The following CCDC154 variants were observed in gnomAD, a reference collection of about 807,000 sequenced individuals.
The protein encoded by CCDC154 is coiled-coil domain-containing protein 154.
In CCDC154, 91 loss-of-function variants were observed where a neutral mutation model predicts 87.5. That is an observed-to-expected ratio of 1.04 (90% CI 0.88 to 1.24). The LOEUF is 1.24. Among genes scored for constraint, CCDC154 ranks in the 50% most tolerant of loss-of-function variants. The pLI is 0.00. For missense variants in CCDC154, 903 were observed against 879.2 expected (o/e 1.03, Z -0.34); for synonymous variants, 418 against 400.4 (o/e 1.04, Z -0.52).
chr16:1,443,990 T>C lies in CCDC154; in HGVS notation c.30A>G (p.Ser10=), dbSNP rs2038585711. ...TCAGCTGGGAAGGGGCCGATGCCCCTGAGGGTCCACTGTCAGCCAACTCTA... is the reference window on the plus strand; with the variant it reads ...TCAGCTGGGAAGGGGCCGATGCCCCCGAGGGTCCACTGTCAGCCAACTCTA... The part of the protein sequence containing the change: MSELADSGP[S]GASAPSQLRA... Residue 10 remains serine, a synonymous_variant, in exon 2 of 17, where the codon TCA becomes TCG. Transcript: ENST00000389176. 1 of 1,301,080 alleles carries C rather than the reference T, an allele frequency of 7.7e-7. No individual in the cohort carries two copies. The highest frequency in any genetic ancestry group is 1.5e-5 in the African/African-American group (1 of 65,872). 80.6% of individuals were successfully genotyped at this position (1,301,080 alleles called of 1,614,324 possible). A position where few individuals can be genotyped will look rare whatever the true frequency, so the allele number is the denominator to read the frequency against.
Position 1,442,412 on chromosome 16 carries a change from T to C in CCDC154, c.669A>G (p.Arg223=), listed in dbSNP as rs71380262. 0.089 allele frequency: 138,481 copies of C among 1,547,800 alleles called. 6,875 individuals are homozygous for C. Among genetic ancestry groups the C allele is most frequent in the Non-Finnish European group, 0.1 (115,078 of 1,145,666 alleles). ...SSRRVDLEVA[R]MQAQVTKLGE... is the part of the protein sequence containing the mutation. ...AGCCTGGGCCTGGTGGTACCTGCAT[T>C]CTGGCCACCTCCAGGTCCACCCTCC... The change falls in exon 6 of 17, where the codon AGA becomes AGG. Residue 223 remains arginine (R), a synonymous_variant. Coordinates refer to ENST00000389176, the MANE Select transcript of CCDC154 (RefSeq NM_001143980.3).
Position 1,444,526 on chromosome 16 carries a change from G to A in CCDC154, c.-204C>T. ...AGGGAGGCAGGTGTGGGGCAGCGGG[G>A]CCGTTCCAGAACCTTCCTTCTCTCC... is the stretch of plus-strand genomic sequence containing the variant. On this transcript the variant is annotated 5_prime_UTR_variant, in exon 1 of 17. Coordinates refer to ENST00000389176, the MANE Select transcript of CCDC154 (RefSeq NM_001143980.3). The A allele has an allele frequency of 2.6e-6, 1 of 383,780 alleles. No individual in the cohort carries two copies. Among genetic ancestry groups the A allele is most frequent in the Non-Finnish European group, 4.8e-6 (1 of 209,494 alleles). 23.8% of individuals were successfully genotyped at this position (383,780 alleles called of 1,614,324 possible).
At position 1,439,101 on chromosome 16, in the gene CCDC154, T is replaced by A. The variant is rs2038528651; in HGVS notation, c.701A>T (p.Glu234Val). 4 of 1,550,028 alleles carry A rather than the reference T, an allele frequency of 2.6e-6. No homozygotes were observed. Among genetic ancestry groups the A allele is most frequent in the Middle Eastern group, 1.7e-4 (1 of 5,970 alleles). Residue 234 changes from glutamate to valine, a missense_variant, in exon 7 of 17, where the codon GAG (glutamate) becomes GTG (valine). By Grantham distance (121) the Glu-to-Val change is moderately radical (BLOSUM62 -2). Transcript: ENST00000389176. Reference sequence around the variant, plus strand: ...CCTCTTCAGGAAGCGCAGGCTCACCTCTTCGCCGAGCTTGGTCACCTGGGC... The same window carrying A: ...CCTCTTCAGGAAGCGCAGGCTCACCACTTCGCCGAGCTTGGTCACCTGGGC... ...MQAQVTKLGE[E>V]VSLRFLKREA...
At chr16:1,442,326 C>A in intron 6 of CCDC154, 80 bp downstream of exon 6, 2 of 1,419,422 alleles carry the variant, frequency 1.4e-6, no homozygotes, top group Non-Finnish European at 1.9e-6. Flanking sequence ...GCCGCTGTAT[C>A]GGATGGCACA....
chr16:1,436,361 T>C (rs2142350952), intron 13 of CCDC154, 84 bp downstream of exon 13: 2 of 1,171,384 alleles, frequency 1.7e-6, no homozygotes, highest in Admixed American at 2.0e-5. Context: ...TACCAGGGGA[T>C]TGTGGAGAGT....
At position 1,438,137 on chromosome 16, in the gene CCDC154, C is replaced by G; in HGVS notation, c.1065G>C (p.Glu355Asp). 1 of 1,547,496 alleles carries G rather than the reference C, an allele frequency of 6.5e-7. No individual in the cohort carries two copies. The highest frequency in any genetic ancestry group is 8.7e-7 in the Non-Finnish European group (1 of 1,145,318). The change falls in exon 10 of 17, where the codon GAG (glutamate) becomes GAC (aspartate). Residue 355 changes from glutamate to aspartate, a missense_variant. Physicochemically the swap from Glu to Asp is conservative, Grantham distance 45. Transcript: ENST00000389176. ...GGTTCTCCTGCACATAGGCGGCCAG[C>G]TCCCCAGCCCGGCTTTCCTCCAAGC... ...KGRLEESRAGELAAYVQENLE... is the reference protein window; with the variant it reads ...KGRLEESRAGDLAAYVQENLE...
In CCDC154 at chr16:1,442,374, G is replaced by C. The variant is rs150696051; in HGVS notation, c.675+32C>G. The C allele has an allele frequency of 1.4e-3, 2,159 of 1,527,310 alleles. 51 individuals carry two copies. In the African/African-American group the frequency reaches 0.026, roughly 19 times the overall value. 94.6% of individuals were successfully genotyped at this position (1,527,310 alleles called of 1,614,324 possible). ...TAGGGTCTCCTCCTCGGCCCTCTGG[G>C]CGGCCCCCCTGAAGCCTGGGCCTGG... On this transcript the variant is annotated intron_variant, in intron 6 of 16. Transcript: ENST00000389176.
Position 1,436,004 on chromosome 16 carries a change from G to A in CCDC154, c.1570C>T (p.Arg524Trp), listed in dbSNP as rs756119315. The A allele has an allele frequency of 4.0e-5, 62 of 1,550,180 alleles. No individual in the cohort carries two copies. The highest frequency in any genetic ancestry group is 3.3e-4 in the Middle Eastern group (2 of 5,990). ...VQLLKEDNPGRKIAEMQGKLA... is the reference protein window; with the variant it reads ...VQLLKEDNPGWKIAEMQGKLA... ...TTGCCCTGCATCTCCGCGATCTTCC[G>A]CCCAGGGTTGTCTTCCTTTAGCAGC... The change falls in exon 14 of 17, where the codon CGG becomes TGG. Residue 524 changes from arginine to tryptophan, a missense_variant. Coordinates refer to ENST00000389176, the MANE Select transcript of CCDC154 (RefSeq NM_001143980.3).
At chr16:1,442,146 G>A (rs2038557389) in intron 6 of CCDC154, among the ~76,000 whole-genome samples, 1 of 152,116 alleles carries the variant, frequency 6.6e-6, no homozygotes, top group African/African-American at 2.4e-5. Flanking sequence ...TTGAACTCCT[G>A]ACCTTGTGAT....
chr16:1,443,518 C>T lies in CCDC154; in HGVS notation c.402G>A (p.Lys134=). The stretch of plus-strand genomic sequence containing the variant: ...GGGAGCCGCTCACCTCCGGCGCCTC[C>T]TTTTCGGGGGCCTGGGCTGCCGGCC... ...EARPAAQAPE[K]EAPEFSGLQN... The change falls in exon 3 of 17, where the codon AAG becomes AAA. Residue 134 remains lysine, a synonymous_variant. Transcript: ENST00000389176. 6.8e-7 allele frequency: 1 copy of T among 1,473,848 alleles called. No individual in the cohort carries two copies. Among genetic ancestry groups the T allele is most frequent in the South Asian group, 1.3e-5 (1 of 74,192 alleles). The allele number at this position is 1,473,848 out of a possible 1,614,324, so 91.3% of individuals were successfully genotyped here.
At chr16:1,434,966 C>T in intron 15 of CCDC154, 114 bp from the exon 16 acceptor site, 1 of 1,412,496 alleles carries the variant, frequency 7.1e-7, no homozygotes, top group Non-Finnish European at 9.4e-7. Flanking sequence ...CAGGGAAACC[C>T]TGCCCATGGC....
Position 1,443,994 on chromosome 16 carries a change from G to T in CCDC154, c.26C>A (p.Pro9His). 1 of 1,300,916 alleles carries T rather than the reference G, an allele frequency of 7.7e-7. No homozygotes were observed. The highest frequency in any genetic ancestry group is 1.0e-6 in the Non-Finnish European group (1 of 988,920). 80.6% of individuals were successfully genotyped at this position (1,300,916 alleles called of 1,614,324 possible). A position where few individuals can be genotyped will look rare whatever the true frequency, so the allele number is the denominator to read the frequency against. Residue 9 changes from proline (P) to histidine (H), a missense_variant, in exon 2 of 17, where the codon CCC becomes CAC. By Grantham distance (77) the Pro-to-His change is moderately conservative. Transcript: ENST00000389176. ...CTGGGAAGGGGCCGATGCCCCTGAG[G>T]GTCCACTGTCAGCCAACTCTACAAG... MSELADSG[P>H]SGASAPSQLR...
In CCDC154 at chr16:1,442,958, T is replaced by A; in HGVS notation, c.473A>T (p.Glu158Val). Residue 158 changes from glutamate to valine, a missense_variant, in exon 5 of 17, where the codon GAA becomes GTA. Glu to Val is a moderately radical substitution (Grantham distance 121). Coordinates refer to ENST00000389176, the MANE Select transcript of CCDC154 (RefSeq NM_001143980.3). ...ALDKRLVEVR[E>V]ALTRLRRRQV... ...CCTCCTCCTGAGCCGGGTCAAGGCT[T>A]CCCGGACCTCCACCAGCCTGGGACA... 6.5e-7 allele frequency: 1 copy of A among 1,549,940 alleles called. No homozygotes were observed. Among genetic ancestry groups the A allele is most frequent in the Non-Finnish European group, 8.7e-7 (1 of 1,146,828 alleles).
intron 9 of CCDC154, chr16:1,438,416 C>A: frequency 1.4e-6 from 1 of 723,074 alleles, no homozygotes; most frequent in Non-Finnish European, 2.2e-6. Flanking sequence ...CTGAGTGCCC[C>A]AGGGAGGGCA....
chr16:1,437,180 G>A (rs1404194869), intron 11 of CCDC154: 2 of 289,370 alleles, frequency 6.9e-6, no homozygotes, highest in East Asian at 8.3e-5. Context: ...CGCAATGCAC[G>A]TTACGCCGCG....
At chr16:1,436,577 T>G in intron 12 of CCDC154, 56 bp from the exon 13 acceptor site, 1 of 1,545,358 alleles carries the variant, frequency 6.5e-7, no homozygotes, top group South Asian at 1.2e-5. Context: ...AGGACCAGCC[T>G]TGGCCTCGAC....
rs917935203 is a variant in CCDC154 at position 1,444,094 on chromosome 16, C to A, written c.8-82G>T. 5.2e-6 allele frequency: 6 copies of A among 1,145,768 alleles called. No homozygotes were observed. In the African/African-American group the frequency reaches 9.5e-5, roughly 18 times the overall value. 71.0% of individuals were successfully genotyped at this position (1,145,768 alleles called of 1,614,324 possible). A position where few individuals can be genotyped will look rare whatever the true frequency, so the allele number is the denominator to read the frequency against. ...ACGGGAACAAGGCCCCAAACCCCCGCAGGACCCTCGCCCACCACCCAGAGC... is the reference window on the plus strand; with the variant it reads ...ACGGGAACAAGGCCCCAAACCCCCGAAGGACCCTCGCCCACCACCCAGAGC... On this transcript the variant is annotated intron_variant, in intron 1 of 16. Coordinates refer to ENST00000389176, the MANE Select transcript of CCDC154 (RefSeq NM_001143980.3).
chr16:1,443,257 G>T lies in CCDC154; in HGVS notation c.455+4C>A, dbSNP rs1225018993. The T allele has an allele frequency of 5.8e-6, 9 of 1,548,616 alleles. No individual in the cohort carries two copies. Among genetic ancestry groups the T allele is most frequent in the Non-Finnish European group, 7.9e-6 (9 of 1,146,424 alleles). On this transcript the variant is annotated splice_donor_region_variant and intron_variant, in intron 4 of 16. Coordinates refer to ENST00000389176, the MANE Select transcript of CCDC154 (RefSeq NM_001143980.3). ...GCCTGTGCCCCTAGGTGTGTGGGGG[G>T]TACCTTTTGTCCAGGGCCTGCATCT...
Position 1,442,434 on chromosome 16 carries a change from C to T in CCDC154, c.647G>A (p.Arg216Lys). 6.5e-7 allele frequency: 1 copy of T among 1,549,936 alleles called. No homozygotes were observed. The highest frequency in any genetic ancestry group is 8.7e-7 in the Non-Finnish European group (1 of 1,146,644). ...LQKNQEDSSRRVDLEVARMQA... is the reference protein window; with the variant it reads ...LQKNQEDSSRKVDLEVARMQA... ...CATTCTGGCCACCTCCAGGTCCACC[C>T]TCCGGCTGCTGTCCTCTTGGTTCTT... Residue 216 changes from arginine (R) to lysine (K), a missense_variant, in exon 6 of 17, where the codon AGG becomes AAG. Physicochemically the swap from Arg to Lys is conservative, Grantham distance 26 (BLOSUM62 2). Coordinates refer to ENST00000389176, the MANE Select transcript of CCDC154 (RefSeq NM_001143980.3).
Sources: allele counts gnomAD v4.1 joint callset (sites outside exome capture counted in the v4.1 genomes callset), GRCh38; gene constraint gnomAD v4.1.1; transcripts MANE v1.5; gene names NCBI Gene and HGNC (gene_info 2026-07-23, HGNC 2026-07-21).